Variants in NFKBIZ observed in about 807,000 individuals in gnomAD.
The protein encoded by NFKBIZ is NFKB inhibitor zeta.
Under a neutral mutation model 76.8 loss-of-function variants are expected in NFKBIZ, and 19 were observed. The ratio of observed to expected loss-of-function variants is 0.25; its 90% CI spans 0.17 to 0.36. NFKBIZ has a LOEUF of 0.36. Ranked by LOEUF, NFKBIZ falls within the 10% of genes least tolerant of loss-of-function variation. The pLI, the probability that NFKBIZ is intolerant of heterozygous loss-of-function variation, is 1.00. For synonymous variants in NFKBIZ, 368 were observed against 354.8 expected (o/e 1.04, Z -0.42); for missense variants, 829 against 910.9 (o/e 0.91, Z 1.16).
intron 2 of NFKBIZ, 53 bp downstream of exon 2, chr3:101,852,277 G>A (rs1022676706): frequency 6.3e-6 from 10 of 1,588,392 alleles, no homozygotes; most frequent in Non-Finnish European, 8.6e-6. Context: ...GGGTTAGTCT[G>A]TCAGGGTTAT....
At chr3:101,854,721 GGTCA>G (rs1208930710) in intron 6 of NFKBIZ, 38 bp downstream of exon 6, 1 of 1,434,174 alleles carries the variant, frequency 7.0e-7, no homozygotes, top group Non-Finnish European at 9.8e-7. Flanking sequence ...GCAAAGAGGG[GGTCA>G]TGGTGAAGTG....
intron 2 of NFKBIZ, among the ~76,000 whole-genome samples, chr3:101,830,489 C>T (rs1236520450): frequency 3.3e-5 from 5 of 152,334 alleles, no homozygotes; most frequent in African/African-American, 1.2e-4. Context: ...TCTCCCCCAT[C>T]TAGCAGTCCT....
upstream of NFKBIZ, among the ~76,000 whole-genome samples, chr3:101,844,998 T>G (rs1942830425): frequency 1.3e-5 from 2 of 152,126 alleles, no homozygotes; most frequent in South Asian, 4.1e-4. Flanking sequence ...CCGGGCACGG[T>G]GGCTCACGCC....
chr3:101,845,067 G>A (rs1942831060), upstream of NFKBIZ, among the ~76,000 whole-genome samples: 1 of 151,964 alleles, frequency 6.6e-6, no homozygotes, highest in South Asian at 2.1e-4. Context: ...AGGAGATTGA[G>A]ACCATCCTGG....
At chr3:101,837,880 G>GA (rs1479533151) in intron 2 of NFKBIZ, among the ~76,000 whole-genome samples, 1 of 152,194 alleles carries the variant, frequency 6.6e-6, no homozygotes, top group Non-Finnish European at 1.5e-5. Flanking sequence ...GGAAAACAGA[G>GA]AAAAAGAGAA....
At chr3:101,857,804 G>A (rs946769223) in intron 11 of NFKBIZ, 12 of 984,966 alleles carry the variant, frequency 1.2e-5, no homozygotes, top group Non-Finnish European at 1.4e-5. Context: ...GTCTTGTAAT[G>A]TATGAGCCTT....
rs141771799 is a variant in NFKBIZ, at chr3:101,853,232, C to G, written c.706C>G (p.Gln236Glu). The G allele has an allele frequency of 3.1e-6, 5 of 1,614,026 alleles. No individual in the cohort carries two copies. In the East Asian group the frequency reaches 6.7e-5, roughly 22 times the overall value. ...ECSPVSLNTV[Q>E]VSWLNPVVVP... ...CAGCCCCGTTTCCCTGAACACAGTT[C>G]AAGTTAGCTGGCTGAACCCCGTGGT... is the stretch of plus-strand genomic sequence containing the variant. Residue 236 changes from glutamine to glutamate, a missense_variant, in exon 5 of 12, where the codon CAA (glutamine) becomes GAA (glutamate). By Grantham distance (29) the Gln-to-Glu change is conservative. This residue lies in a region of NFKBIZ where 371 missense variants were observed against 332.3 expected (regional missense o/e 1.12). Transcript: ENST00000326172.
intron 2 of NFKBIZ, among the ~76,000 whole-genome samples, chr3:101,836,563 T>C (rs1056097495): frequency 1.1e-4 from 16 of 152,204 alleles, no homozygotes; most frequent in Non-Finnish European, 1.8e-4. Context: ...GTCCGGAACA[T>C]TGTAGGTGGT....
Position 101,853,350 on chromosome 3 carries a change from G to T in NFKBIZ, c.824G>T (p.Arg275Met), listed in dbSNP as rs1312913255. 1.9e-6 allele frequency: 3 copies of T among 1,614,008 alleles called. No homozygotes were observed. The African/African-American group carries it at 4.0e-5, about 22-fold the overall frequency. The stretch of plus-strand genomic sequence containing the variant: ...CAGAAATGCCAACCATTCCAAGTCA[G>T]GGGCTCCCAACAAATGATAGACCAG... ...PPQKCQPFQV[R>M]GSQQMIDQAS... Residue 275 changes from arginine (R) to methionine (M), a missense_variant, in exon 5 of 12, where the codon AGG (arginine) becomes ATG (methionine). Arg to Met is a moderately conservative substitution (Grantham distance 91). Transcript: ENST00000326172.
chr3:101,842,446 AGCTTGTCCAACCTGTG>A (rs1002229982), intron 2 of NFKBIZ, among the ~76,000 whole-genome samples: 1 of 152,108 alleles, frequency 6.6e-6, no homozygotes, highest in African/African-American at 2.4e-5. Context: ...GTGTAGAGCA[AGCTTGTCCAACCTGTG>A]GCCCATGGGC....
chr3:101,858,104 T>G (rs1418897244), intron 11 of NFKBIZ: 1 of 972,252 alleles, frequency 1.0e-6, no homozygotes, highest in African/African-American at 1.8e-5. Flanking sequence ...TTCAAGAACT[T>G]AAAATGTTTT....
At chr3:101,835,553 T>G (rs1942708537) in intron 2 of NFKBIZ, among the ~76,000 whole-genome samples, 1 of 152,218 alleles carries the variant, frequency 6.6e-6, no homozygotes, top group South Asian at 2.1e-4. Flanking sequence ...CTCTCCTGAC[T>G]TGTACATGGC....
chr3:101,849,492 C>T (rs1942910695), upstream of NFKBIZ: 2 of 721,796 alleles, frequency 2.8e-6, no homozygotes, highest in Admixed American at 4.5e-5. Context: ...GTTAAATACC[C>T]TGGCAGTCCC....
At chr3:101,850,964 A>G (rs1278678196) in intron 1 of NFKBIZ, among the ~76,000 whole-genome samples, 1 of 152,070 alleles carries the variant, frequency 6.6e-6, no homozygotes, top group Non-Finnish European at 1.5e-5. Flanking sequence ...CTGAAACTGC[A>G]TTTTTTTCTT....
Position 101,849,837 on chromosome 3 carries a change from TCTC to T in NFKBIZ, c.213_215del (p.Ser72del), listed in dbSNP as rs1252296200. ...TCGCCCGGCTCCGACTCCTCCGACT[TCTC>T]CTCTGCCTCGTCGGTGTCCTCCTGC... On this transcript the variant is annotated inframe_deletion, in exon 1 of 12. Coordinates refer to ENST00000326172, the MANE Select transcript of NFKBIZ (RefSeq NM_031419.4). 152 of 1,473,388 alleles carry T rather than the reference TCTC, an allele frequency of 1.0e-4. No individual in the cohort carries two copies. Among genetic ancestry groups the T allele is most frequent in the Middle Eastern group, 2.4e-4 (1 of 4,232 alleles). 91.3% of individuals were successfully genotyped at this position (1,473,388 alleles called of 1,614,324 possible).
intron 11 of NFKBIZ, chr3:101,858,089 A>T (rs1365199540): frequency 1.0e-6 from 1 of 956,116 alleles, no homozygotes; most frequent in Non-Finnish European, 1.2e-6. Flanking sequence ...ACAAGAACTT[A>T]TTCTTTCAAG....
At chr3:101,850,622 C>T (rs1281870540) in intron 1 of NFKBIZ, among the ~76,000 whole-genome samples, 2 of 152,014 alleles carry the variant, frequency 1.3e-5, no homozygotes, top group Non-Finnish European at 2.9e-5. Flanking sequence ...AACCGAGTTG[C>T]ATAATTTGGG....
At chr3:101,834,959 A>G (rs542815161) in intron 2 of NFKBIZ, among the ~76,000 whole-genome samples, 2 of 152,260 alleles carry the variant, frequency 1.3e-5, no homozygotes, top group African/African-American at 2.4e-5. Flanking sequence ...CTCTTCTCCT[A>G]TGTTCTCTTC....
At chr3:101,838,475 A>T (rs1942750705) in intron 2 of NFKBIZ, among the ~76,000 whole-genome samples, 1 of 152,238 alleles carries the variant, frequency 6.6e-6, no homozygotes, top group Non-Finnish European at 1.5e-5. Context: ...TGGGCCAAAT[A>T]GTAAAAATTT....
Sources: allele counts gnomAD v4.1 joint callset (sites outside exome capture counted in the v4.1 genomes callset), GRCh38; gene constraint gnomAD v4.1.1; regional missense constraint gnomAD v4.1.1; transcripts MANE v1.5; gene names NCBI Gene and HGNC (gene_info 2026-07-23, HGNC 2026-07-21).